Variants in NXPE4 observed in about 807,000 individuals in gnomAD.
The protein encoded by NXPE4 is neurexophilin and PC-esterase domain family member 4, also known as NXPE family member 4.
In NXPE4, 42 loss-of-function variants were observed where a neutral mutation model predicts 33.3. The observed-to-expected ratio is 1.26, with a 90% CI of 0.98 to 1.63. The LOEUF is 1.63. NXPE4 is among the 40% of genes most tolerant of loss of function. The pLI is 0.00. For missense variants in NXPE4, 709 were observed against 647.6 expected (o/e 1.09, Z -1.03); for synonymous variants, 253 against 234.9 (o/e 1.08, Z -0.71).
chr11:114,593,329 C>A (rs1400224067), intron 2 of NXPE4, among the ~76,000 whole-genome samples: 3 of 151,916 alleles, frequency 2.0e-5, no homozygotes, highest in African/African-American at 7.2e-5. Context: ...AACTCTATAG[C>A]AAAAATATTT....
the NXPE4 span, among the ~76,000 whole-genome samples, chr11:114,632,498 T>C: frequency 7.9e-6 from 1 of 125,860 alleles, no homozygotes. Flanking sequence ...TAATATATAT[T>C]ATAGTATTTT....
chr11:114,614,313 G>T, the NXPE4 span, among the ~76,000 whole-genome samples: 1 of 150,672 alleles, frequency 6.6e-6, no homozygotes, highest in Admixed American at 6.6e-5. Context: ...GTATTGCCTC[G>T]TAGGTAACCA....
chr11:114,639,837 T>TAAATATAAAATATAATATATATTATATG, the NXPE4 span, among the ~76,000 whole-genome samples: 1 of 113,626 alleles, frequency 8.8e-6, no homozygotes, highest in Admixed American at 1.2e-4. Context: ...TATATTATAT[T>TAAATATAAAATATAATATATATTATATG]AAATATAAAA....
At chr11:114,583,922 A>G in intron 2 of NXPE4, 1 of 393,084 alleles carries the variant, frequency 2.5e-6, no homozygotes, top group Non-Finnish European at 5.0e-6. Context: ...ATATTATGCT[A>G]TTAACTATCT....
At chr11:114,596,170 A>C (rs1203042733), upstream of NXPE4, among the ~76,000 whole-genome samples, 1 of 152,186 alleles carries the variant, frequency 6.6e-6, no homozygotes, top group Non-Finnish European at 1.5e-5. Context: ...AGTAGGTTTC[A>C]ATACAATTTG....
At chr11:114,632,149 G>A in the NXPE4 span, among the ~76,000 whole-genome samples, 4 of 140,694 alleles carry the variant, frequency 2.8e-5, no homozygotes, top group African/African-American at 1.0e-4. Flanking sequence ...AATTTATTAT[G>A]TTATAAATAA....
chr11:114,653,106 G>T, the NXPE4 span, among the ~76,000 whole-genome samples: 1 of 151,882 alleles, frequency 6.6e-6, no homozygotes, highest in Non-Finnish European at 1.5e-5. Context: ...TCAAAACAAG[G>T]GTTTTCTAAG....
the NXPE4 span, among the ~76,000 whole-genome samples, chr11:114,663,722 C>CTGAT: frequency 6.7e-6 from 1 of 149,894 alleles, no homozygotes; most frequent in Non-Finnish European, 1.5e-5. Context: ...ATCTGATCTA[C>CTGAT]CTACCTATCT....
upstream of NXPE4, among the ~76,000 whole-genome samples, chr11:114,600,233 A>G (rs989481532): frequency 9.2e-5 from 14 of 152,194 alleles, no homozygotes; most frequent in African/African-American, 3.4e-4. Context: ...TACCCAAGTG[A>G]TGATGGGTTA....
At chr11:114,640,509 T>G in the NXPE4 span, among the ~76,000 whole-genome samples, 1 of 151,836 alleles carries the variant, frequency 6.6e-6, no homozygotes, top group South Asian at 2.1e-4. Flanking sequence ...TAGATCTAAT[T>G]ATAGTTCTTT....
At chr11:114,642,946 G>A in the NXPE4 span, among the ~76,000 whole-genome samples, 1 of 152,136 alleles carries the variant, frequency 6.6e-6, no homozygotes, top group Middle Eastern at 3.4e-3. Flanking sequence ...ACATTTTAAT[G>A]ATCGCCATTC....
At chr11:114,600,398 A>C (rs915122084), upstream of NXPE4, among the ~76,000 whole-genome samples, 1 of 152,114 alleles carries the variant, frequency 6.6e-6, no homozygotes, top group African/African-American at 2.4e-5. Flanking sequence ...TCATTCCTTC[A>C]TTTACCAAAT....
chr11:114,658,175 G>A, the NXPE4 span, among the ~76,000 whole-genome samples: 2 of 152,250 alleles, frequency 1.3e-5, no homozygotes, highest in East Asian at 3.9e-4. Context: ...TGAGGTCACA[G>A]GCCAACCATC....
intron 2 of NXPE4, among the ~76,000 whole-genome samples, chr11:114,586,891 T>C (rs748163168): frequency 2.6e-5 from 4 of 152,208 alleles, no homozygotes; most frequent in Non-Finnish European, 4.4e-5. Flanking sequence ...AATGCCATAA[T>C]GCCTGGGAAT....
At chr11:114,584,119 G>C (rs1026583753) in intron 2 of NXPE4, 13 of 292,450 alleles carry the variant, frequency 4.4e-5, no homozygotes, top group African/African-American at 2.9e-4. Flanking sequence ...AATCTGTCAA[G>C]AGTGTCAACC....
At chr11:114,653,393 A>G in the NXPE4 span, among the ~76,000 whole-genome samples, 14,006 of 151,762 alleles carry the variant, frequency 0.092, 767 homozygotes, top group Middle Eastern at 0.2. Context: ...TAAACCATCT[A>G]TTTTTTTTCT....
chr11:114,645,853 A>G, the NXPE4 span, among the ~76,000 whole-genome samples: 2 of 152,208 alleles, frequency 1.3e-5, no homozygotes, highest in Non-Finnish European at 2.9e-5. Flanking sequence ...ATTTGAGAGT[A>G]TAAAAATTAT....
chr11:114,612,155 G>A, the NXPE4 span, among the ~76,000 whole-genome samples: 3 of 144,090 alleles, frequency 2.1e-5, no homozygotes, highest in South Asian at 2.3e-4. Flanking sequence ...AACCACAGTT[G>A]CCCAGTGGAT....
chr11:114,658,932 A>C, the NXPE4 span, among the ~76,000 whole-genome samples: 2 of 152,204 alleles, frequency 1.3e-5, no homozygotes, highest in Non-Finnish European at 2.9e-5. Context: ...AGAAGGGACA[A>C]GGGCATGAAG....
Sources: allele counts gnomAD v4.1 joint callset (sites outside exome capture counted in the v4.1 genomes callset), GRCh38; gene constraint gnomAD v4.1.1; transcripts MANE v1.5; gene names NCBI Gene and HGNC (gene_info 2026-07-23, HGNC 2026-07-21).